The following PDZD2 variants were observed in gnomAD, a reference collection of about 807,000 sequenced individuals.
The protein encoded by PDZD2 is PDZ domain containing 2, also known as PDZ domain-containing protein 2.
In PDZD2, 90 loss-of-function variants were observed where a neutral mutation model predicts 220.7. The ratio of observed to expected loss-of-function variants is 0.41; its 90% CI spans 0.34 to 0.49. PDZD2 has a LOEUF of 0.49. Ranked by LOEUF, PDZD2 falls within the 20% of genes least tolerant of loss-of-function variation. PDZD2 has a pLI of 0.28. For synonymous variants in PDZD2, 1,375 were observed against 1,450.5 expected, an observed-to-expected ratio of 0.95 and a Z score of 1.18; for missense variants, 3,174 against 3,608.5, an observed-to-expected ratio of 0.88 and a Z score of 3.08.
intron 1 of PDZD2, among the ~76,000 whole-genome samples, chr5:31,701,559 T>C (rs1747611488): frequency 6.6e-6 from 1 of 152,138 alleles, no homozygotes. Context: ...GTCTTTTTGC[T>C]CACTATCCCT....
intron 2 of PDZD2, among the ~76,000 whole-genome samples, chr5:31,932,972 G>A (rs988232210): frequency 7.3e-5 from 11 of 151,366 alleles, no homozygotes; most frequent in Admixed American, 2.6e-4. Flanking sequence ...GTGCTATGGT[G>A]CAATCTCGGC....
chr5:32,081,076 T>TAA (rs34533191), intron 19 of PDZD2, among the ~76,000 whole-genome samples: 47 of 142,928 alleles, frequency 3.3e-4, no homozygotes, highest in South Asian at 2.3e-4. Flanking sequence ...TCCCAGAACT[T>TAA]AAAAAAAAAA....
At chr5:31,915,472 C>T (rs1743601084) in intron 2 of PDZD2, among the ~76,000 whole-genome samples, 1 of 152,146 alleles carries the variant, frequency 6.6e-6, no homozygotes. Context: ...CTTTGTCTTG[C>T]GTCCAGACAT....
At chr5:31,889,706 TC>T in intron 2 of PDZD2, among the ~76,000 whole-genome samples, 1 of 152,208 alleles carries the variant, frequency 6.6e-6, no homozygotes, top group Non-Finnish European at 1.5e-5. Context: ...AGTAAGGGAC[TC>T]CTCTTCTTGG....
At chr5:32,021,406 C>T (rs1000146331) in intron 6 of PDZD2, among the ~76,000 whole-genome samples, 2 of 152,054 alleles carry the variant, frequency 1.3e-5, no homozygotes, top group Admixed American at 6.6e-5. Flanking sequence ...AAGCAATTCT[C>T]ATGCCTCAGC....
chr5:31,892,395 A>G (rs1365129993), intron 2 of PDZD2, among the ~76,000 whole-genome samples: 2 of 152,224 alleles, frequency 1.3e-5, no homozygotes, highest in Non-Finnish European at 2.9e-5. Flanking sequence ...GGGTGATCAT[A>G]GGATTTATTG....
chr5:31,767,026 C>CTTTTTTTT, intron 1 of PDZD2, among the ~76,000 whole-genome samples: 1 of 100,546 alleles, frequency 9.9e-6, no homozygotes, highest in African/African-American at 5.4e-5. Flanking sequence ...CTGCACCCAG[C>CTTTTTTTT]CTTTTTTTTT....
intron 1 of PDZD2, among the ~76,000 whole-genome samples, chr5:31,703,171 G>A (rs981038814): frequency 4.6e-5 from 7 of 152,192 alleles, no homozygotes; most frequent in African/African-American, 1.7e-4. Flanking sequence ...TGTAAAGAGC[G>A]GCCATTAGAT....
intron 1 of PDZD2, among the ~76,000 whole-genome samples, chr5:31,761,945 A>G (rs748408357): frequency 6.6e-6 from 1 of 152,072 alleles, no homozygotes; most frequent in Non-Finnish European, 1.5e-5. Context: ...GAGGGACCAC[A>G]GAAAACTTAC....
At position 31,695,623 on chromosome 5, in the gene PDZD2, A is replaced by G. The variant is rs184015961; in HGVS notation, c.-361+56186A>G. Among the ~76,000 whole-genome samples, 7 of 152,320 alleles carry G rather than the reference A, an allele frequency of 4.6e-5. No individual in the cohort carries two copies. The East Asian group carries it at 1.3e-3, about 29-fold the overall frequency. On this transcript the variant is annotated intron_variant, in intron 1 of 24. Transcript: ENST00000438447. ...CTGATGCTCCTGAAATTTTGTGCCC[A>G]AGGCCCTCTCAGCTCCCTTCTTGGT...
chr5:31,835,710 T>C (rs1471413072), intron 2 of PDZD2, among the ~76,000 whole-genome samples: 2 of 152,158 alleles, frequency 1.3e-5, no homozygotes, highest in African/African-American at 2.4e-5. Context: ...CATGAACTCA[T>C]CTTCTCAGTC....
chr5:31,661,796 T>TTTC (rs1253006291), intron 1 of PDZD2, among the ~76,000 whole-genome samples: 14 of 151,052 alleles, frequency 9.3e-5, no homozygotes, highest in Non-Finnish European at 1.8e-4. Context: ...TTTTTTTTTT[T>TTTC]TTTCTTTTTT....
chr5:31,759,013 A>G (rs148227614), intron 1 of PDZD2, among the ~76,000 whole-genome samples: 93 of 151,926 alleles, frequency 6.1e-4, no homozygotes, highest in African/African-American at 2.1e-3. Flanking sequence ...ACAGGTCCTC[A>G]CACTGGATGA....
intron 1 of PDZD2, among the ~76,000 whole-genome samples, chr5:31,732,012 C>A (rs1305714838): frequency 6.6e-6 from 1 of 152,134 alleles, no homozygotes; most frequent in Admixed American, 6.5e-5. Flanking sequence ...TTAGAAAGAA[C>A]CTTAAAAATC....
intron 1 of PDZD2, among the ~76,000 whole-genome samples, chr5:31,655,243 G>C (rs1177437421): frequency 6.6e-6 from 1 of 152,168 alleles, no homozygotes; most frequent in Non-Finnish European, 1.5e-5. Flanking sequence ...CGCAATCTCA[G>C]CTCACTGCAA....
intron 1 of PDZD2, among the ~76,000 whole-genome samples, chr5:31,743,396 G>A (rs532027585): frequency 1.9e-4 from 29 of 152,002 alleles, no homozygotes; most frequent in African/African-American, 4.1e-4. Context: ...GGGCTCAAGC[G>A]ATCCACCCAT....
At chr5:32,044,801 C>T (rs904591786) in intron 7 of PDZD2, among the ~76,000 whole-genome samples, 1 of 152,122 alleles carries the variant, frequency 6.6e-6, no homozygotes, top group Non-Finnish European at 1.5e-5. Flanking sequence ...GGACAGATCT[C>T]TCCTTTGACA....
chr5:31,880,874 G>A (rs1350378065), intron 2 of PDZD2, among the ~76,000 whole-genome samples: 7 of 128,232 alleles, frequency 5.5e-5, no homozygotes, highest in East Asian at 2.5e-4. Context: ...CAATCTCGGC[G>A]CACTGCAACC....
At position 31,959,065 on chromosome 5, in the gene PDZD2, T is replaced by C. The variant is rs572343811; in HGVS notation, c.477-24090T>C. ...CTTCTGCCTTAGCCTCCCAAGTAGC[T>C]GGGACTACAAGCGTGTGCCACCATG... On this transcript the variant is annotated intron_variant, in intron 2 of 24. Transcript: ENST00000438447. Among the ~76,000 whole-genome samples, 3 of 151,986 alleles carry C rather than the reference T, an allele frequency of 2.0e-5. No homozygotes were observed. The East Asian group carries it at 5.8e-4, about 30-fold the overall frequency.
Sources: gnomAD v4.1 joint callset for allele counts (sites outside exome capture counted in the v4.1 genomes callset) on GRCh38, gnomAD v4.1.1 for gene constraint, MANE v1.5 for transcripts, NCBI Gene and HGNC (gene_info 2026-07-23, HGNC 2026-07-21) for gene names.